CDH12: variants seen among roughly 807,000 people sequenced by gnomAD.
CDH12 encodes cadherin 12.
In CDH12, 41 loss-of-function variants were observed where a neutral mutation model predicts 74.1. That is an observed-to-expected ratio of 0.55 (90% confidence interval 0.43 to 0.72). CDH12 has a LOEUF of 0.72. Among genes scored for constraint, CDH12 ranks in the 30% least tolerant of loss-of-function variants. The probability of loss-of-function intolerance (pLI) is 0.00; values close to 1 mark genes in which losing one functional copy is unlikely to be tolerated. For missense variants in CDH12, 945 were observed against 977.2 expected, an observed-to-expected ratio of 0.97 and a Z score of 0.44; for synonymous variants, 399 against 355.0, an observed-to-expected ratio of 1.12 and a Z score of -1.39.
intron 3 of CDH12, among the ~76,000 whole-genome samples, chr5:22,359,824 A>C (rs1740721253): frequency 6.6e-6 from 1 of 152,208 alleles, no homozygotes; most frequent in South Asian, 2.1e-4. Flanking sequence ...CTGCTCCTGA[A>C]TGAGTACTGG....
chr5:21,986,100 G>A (rs1757504297), intron 5 of CDH12, among the ~76,000 whole-genome samples: 1 of 152,196 alleles, frequency 6.6e-6, no homozygotes, highest in South Asian at 2.1e-4. Flanking sequence ...CAGACCCAGA[G>A]CTATTTATCA....
chr5:22,201,436 G>A (rs911822878), intron 4 of CDH12, among the ~76,000 whole-genome samples: 2 of 152,066 alleles, frequency 1.3e-5, no homozygotes, highest in Admixed American at 6.6e-5. Flanking sequence ...GACAAATACC[G>A]CATGTTCTCA....
intron 6 of CDH12, among the ~76,000 whole-genome samples, chr5:21,927,546 GT>G (rs1306032891): frequency 6.6e-6 from 1 of 151,642 alleles, no homozygotes; most frequent in African/African-American, 2.4e-5. Context: ...ACCCAAGATT[GT>G]GCCACTGCAC....
At chr5:22,691,315 TAA>T (rs577038145) in intron 1 of CDH12, among the ~76,000 whole-genome samples, 327 of 152,296 alleles carry the variant, frequency 2.1e-3, no homozygotes, top group African/African-American at 7.5e-3. Flanking sequence ...TACTATTAGT[TAA>T]CTTGATACAT....
intron 6 of CDH12, among the ~76,000 whole-genome samples, chr5:21,872,638 G>T (rs1434115225): frequency 6.6e-6 from 1 of 152,084 alleles, no homozygotes; most frequent in Non-Finnish European, 1.5e-5. Context: ...TTATTATAGG[G>T]CAAATAAATC....
intron 1 of CDH12, among the ~76,000 whole-genome samples, chr5:22,817,683 T>C (rs1749461289): frequency 6.6e-6 from 1 of 152,168 alleles, no homozygotes; most frequent in African/African-American, 2.4e-5. Flanking sequence ...AGAAAAACTA[T>C]GCATCATAAT....
chr5:21,806,002 A>C (rs1218723049), intron 9 of CDH12, among the ~76,000 whole-genome samples: 1 of 152,130 alleles, frequency 6.6e-6, no homozygotes, highest in African/African-American at 2.4e-5. Flanking sequence ...AGGGAAGACT[A>C]GTGGCACCAG....
chr5:21,917,998 A>C (rs986729), intron 6 of CDH12, among the ~76,000 whole-genome samples: 3 of 152,008 alleles, frequency 2.0e-5, no homozygotes, highest in Non-Finnish European at 4.4e-5. Context: ...TTAACACATA[A>C]ACTTTTTAGC....
intron 1 of CDH12, among the ~76,000 whole-genome samples, chr5:22,843,613 GGT>G (rs3050972): frequency 0.052 from 7,694 of 147,594 alleles, 245 homozygotes; most frequent in Middle Eastern, 0.15. Context: ...TAACATTTGT[GGT>G]GTGTGTGTGT....
chr5:22,058,147 A>G (rs530698853), intron 5 of CDH12, among the ~76,000 whole-genome samples: 23 of 151,950 alleles, frequency 1.5e-4, no homozygotes, highest in African/African-American at 5.5e-4. Flanking sequence ...ACTTCTGCCT[A>G]CCAGGTTCAA....
chr5:22,112,533 C>G (rs1341573463), intron 4 of CDH12, among the ~76,000 whole-genome samples: 6 of 152,076 alleles, frequency 3.9e-5, no homozygotes, highest in African/African-American at 1.4e-4. Flanking sequence ...TTTGAACTTC[C>G]TCTTCCTCTT....
At chr5:21,860,178 A>G (rs533751263) in intron 6 of CDH12, among the ~76,000 whole-genome samples, 12 of 152,192 alleles carry the variant, frequency 7.9e-5, no homozygotes, top group African/African-American at 2.6e-4. Context: ...TGTTAAGAAT[A>G]TGTTTGTGCA....
At chr5:22,202,169 C>CCCTTCCTTCCTTCCTTCCTTCCTT (rs1347338743) in intron 4 of CDH12, among the ~76,000 whole-genome samples, 1 of 82,098 alleles carries the variant, frequency 1.2e-5, no homozygotes, top group African/African-American at 4.2e-5. Context: ...CTTCCTTCCT[C>CCCTTCCTTCCTTCCTTCCTTCCTT]CCTTCCTTCC....
rs574733412 is a variant in CDH12 at position 22,022,460 on chromosome 5, T to C, written c.232-47075A>G. 3.9e-5 allele frequency among the ~76,000 whole-genome samples: 6 copies of C among 152,250 alleles called. No homozygotes were observed. In the South Asian group the frequency reaches 1.2e-3, roughly 32 times the overall value. ...CCCAGCCATGCCTTCGTATAGCTTG[T>C]GGAACTGTGAGTCAATTAAACTTCT... On this transcript the variant is annotated intron_variant, in intron 5 of 14. Coordinates refer to ENST00000382254, the MANE Select transcript of CDH12 (RefSeq NM_004061.5).
chr5:21,949,030 A>G (rs193032200), intron 6 of CDH12, among the ~76,000 whole-genome samples: 1,861 of 152,262 alleles, frequency 0.012, 35 homozygotes, highest in African/African-American at 0.042. Context: ...TCAATTAAAC[A>G]TCTTTCCTTT....
intron 1 of CDH12, among the ~76,000 whole-genome samples, chr5:22,607,859 A>G (rs2126821914): frequency 6.6e-6 from 1 of 152,328 alleles, no homozygotes; most frequent in Non-Finnish European, 1.5e-5. Flanking sequence ...TGTGGTGTTG[A>G]GCCTAAGGGT....
intron 6 of CDH12, among the ~76,000 whole-genome samples, chr5:21,953,591 G>A (rs1489139346): frequency 4.6e-5 from 7 of 152,136 alleles, no homozygotes; most frequent in African/African-American, 1.7e-4. Context: ...AGGATGAAGG[G>A]AAGAGAAAAG....
chr5:22,730,607 GAAAACAGCACA>G (rs1230053250), intron 1 of CDH12, among the ~76,000 whole-genome samples: 1 of 151,694 alleles, frequency 6.6e-6, no homozygotes, highest in Non-Finnish European at 1.5e-5. Flanking sequence ...GAAGAACTCA[GAAAACAGCACA>G]AAAGGCCATC....
chr5:22,502,728 A>G (rs1736225545), intron 2 of CDH12, among the ~76,000 whole-genome samples: 1 of 151,858 alleles, frequency 6.6e-6, no homozygotes, highest in Non-Finnish European at 1.5e-5. Context: ...GACTAAAACA[A>G]CAAAACACAG....
Sources: gnomAD v4.1 joint callset for allele counts (sites outside exome capture counted in the v4.1 genomes callset) on GRCh38, gnomAD v4.1.1 for gene constraint, MANE v1.5 for transcripts, NCBI Gene and HGNC (gene_info 2026-07-23, HGNC 2026-07-21) for gene names.